The following ZNRF1 variants were observed in gnomAD, a reference collection of about 807,000 sequenced individuals.
The protein encoded by ZNRF1 is E3 ubiquitin-protein ligase ZNRF1.
In ZNRF1, 3 loss-of-function variants were observed where a neutral mutation model predicts 18.4. That is an observed-to-expected ratio of 0.16 (90% CI 0.07 to 0.42). ZNRF1 has a LOEUF of 0.42. ZNRF1 is among the 10% of genes least tolerant of loss of function. ZNRF1 has a pLI of 0.99. For missense variants in ZNRF1, 310 were observed against 329.8 expected, an observed-to-expected ratio of 0.94 and a Z score of 0.47; for synonymous variants, 157 against 144.2, an observed-to-expected ratio of 1.09 and a Z score of -0.64.
intron 1 of ZNRF1, among the ~76,000 whole-genome samples, chr16:75,023,298 C>T (rs945712051): frequency 5.3e-5 from 8 of 152,086 alleles, no homozygotes; most frequent in Admixed American, 4.6e-4. Flanking sequence ...AGATACCTTC[C>T]CCTACCTTAC....
intron 1 of ZNRF1, among the ~76,000 whole-genome samples, chr16:75,071,098 C>CTTTTTTTTTTTTTTTTTTTT (rs56690008): frequency 7.0e-6 from 1 of 143,468 alleles, no homozygotes. Context: ...GCACAGGTGT[C>CTTTTTTTTTTTTTTTTTTTT]TTTTTTTTTT....
At chr16:75,025,578 A>G (rs1353141466) in intron 1 of ZNRF1, among the ~76,000 whole-genome samples, 1 of 152,146 alleles carries the variant, frequency 6.6e-6, no homozygotes, top group Non-Finnish European at 1.5e-5. Flanking sequence ...AAGATCGTAT[A>G]GCCCCTCCTA....
intron 1 of ZNRF1, among the ~76,000 whole-genome samples, chr16:75,062,147 A>T (rs2035751729): frequency 6.6e-6 from 1 of 152,240 alleles, no homozygotes; most frequent in Admixed American, 6.5e-5. Context: ...AATCGAGACA[A>T]CTTACAGAAC....
intron 2 of ZNRF1, among the ~76,000 whole-genome samples, chr16:75,100,111 C>G (rs1337151312): frequency 6.6e-6 from 1 of 152,212 alleles, no homozygotes; most frequent in African/African-American, 2.4e-5. Context: ...TGCCGGGAAC[C>G]TCCAGGTGGC....
intron 1 of ZNRF1, among the ~76,000 whole-genome samples, chr16:75,070,940 A>G (rs576830157): frequency 5.6e-4 from 86 of 152,312 alleles, no homozygotes; most frequent in Middle Eastern, 3.4e-3. Flanking sequence ...CTGGTGCTGC[A>G]TAACAAAATA....
intron 1 of ZNRF1, among the ~76,000 whole-genome samples, chr16:75,004,718 G>A (rs1292570583): frequency 6.6e-6 from 1 of 152,074 alleles, no homozygotes; most frequent in African/African-American, 2.4e-5. Flanking sequence ...GGCTCAAGCC[G>A]TCTTCCCATC....
At chr16:75,048,707 TC>T (rs1213720299) in intron 1 of ZNRF1, among the ~76,000 whole-genome samples, 1 of 152,164 alleles carries the variant, frequency 6.6e-6, no homozygotes, top group Non-Finnish European at 1.5e-5. Context: ...GATGTGTCCT[TC>T]CCACTGCATC....
At chr16:75,010,952 G>T (rs1402935659) in intron 1 of ZNRF1, among the ~76,000 whole-genome samples, 1 of 152,020 alleles carries the variant, frequency 6.6e-6, no homozygotes, top group Non-Finnish European at 1.5e-5. Context: ...CAAGTGATCC[G>T]CCCACCTTGG....
At chr16:75,103,900 A>C (rs11862008) in intron 2 of ZNRF1, among the ~76,000 whole-genome samples, 1 of 151,756 alleles carries the variant, frequency 6.6e-6, no homozygotes, top group African/African-American at 2.4e-5. Flanking sequence ...CAGGAAAATC[A>C]CTTGAACCCA....
chr16:75,060,473 C>CTTTTTTTTTTTTTTTTTTT (rs34182819), intron 1 of ZNRF1, among the ~76,000 whole-genome samples: 1 of 70,248 alleles, frequency 1.4e-5, no homozygotes, highest in African/African-American at 5.7e-5. Context: ...CTCAGAAAAT[C>CTTTTTTTTTTTTTTTTTTT]TTTTTTTTTT....
chr16:75,031,127 C>T lies in ZNRF1; in HGVS notation c.424+31032C>T, dbSNP rs371367767. 7.3e-5 allele frequency among the ~76,000 whole-genome samples: 11 copies of T among 149,836 alleles called. No homozygotes were observed. The East Asian group carries it at 1.6e-3, about 22-fold the overall frequency. ...CTAGGATTACAGGCGTGAGCCACTG[C>T]GCCCCACCTGTTTTTTTTTTTTTAG... On this transcript the variant is annotated intron_variant, in intron 1 of 4. Coordinates refer to ENST00000335325, the MANE Select transcript of ZNRF1 (RefSeq NM_032268.5).
rs1024675760 is a variant in ZNRF1 at position 74,999,035 on chromosome 16, G to C, written c.-637G>C. 11 of 150,966 alleles carry C rather than the reference G, an allele frequency of 7.3e-5. No homozygotes were observed. Among genetic ancestry groups the C allele is most frequent in the South Asian group, 2.0e-4 (1 of 4,940 alleles). 9.4% of individuals were successfully genotyped at this position (150,966 alleles called of 1,614,324 possible). A position where few individuals can be genotyped will look rare whatever the true frequency, so the allele number is the denominator to read the frequency against. The stretch of plus-strand genomic sequence containing the variant: ...CTCTGCCGCCCTCCATTGTCTCCAC[G>C]GCGGCGAGGAGCGCCGGCGAGCGCA... On this transcript the variant is annotated 5_prime_UTR_variant, in exon 1 of 5. Coordinates refer to ENST00000335325, the MANE Select transcript of ZNRF1 (RefSeq NM_032268.5).
At chr16:75,085,991 G>C (rs1470388729) in intron 1 of ZNRF1, among the ~76,000 whole-genome samples, 1 of 152,030 alleles carries the variant, frequency 6.6e-6, no homozygotes, top group Non-Finnish European at 1.5e-5. Context: ...GAGAGCTTAT[G>C]GTGTAAGTCC....
chr16:75,041,570 T>TA (rs1274274885), intron 1 of ZNRF1, among the ~76,000 whole-genome samples: 1 of 151,204 alleles, frequency 6.6e-6, no homozygotes, highest in East Asian at 2.0e-4. Context: ...ACCCAAGTGA[T>TA]ACGCCCGCCT....
At chr16:75,081,566 C>T (rs1051869836) in intron 1 of ZNRF1, among the ~76,000 whole-genome samples, 1 of 152,176 alleles carries the variant, frequency 6.6e-6, no homozygotes, top group African/African-American at 2.4e-5. Flanking sequence ...TGGCATTGCC[C>T]AAACGCTAGA....
chr16:75,047,902 C>T (rs1279864951), intron 1 of ZNRF1, among the ~76,000 whole-genome samples: 1 of 151,824 alleles, frequency 6.6e-6, no homozygotes, highest in Non-Finnish European at 1.5e-5. Flanking sequence ...GTCTTCTCCG[C>T]TTCTCCGTGT....
chr16:75,003,655 A>G (rs944108966), intron 1 of ZNRF1, among the ~76,000 whole-genome samples: 1 of 152,204 alleles, frequency 6.6e-6, no homozygotes, highest in Non-Finnish European at 1.5e-5. Context: ...ATCTGAAAAC[A>G]TCACAAAGCC....
intron 4 of ZNRF1, 186 bp downstream of exon 4, chr16:75,106,757 A>G (rs940588466): frequency 7.0e-6 from 4 of 570,324 alleles, no homozygotes; most frequent in Admixed American, 5.9e-5. Context: ...GACAAGAGAT[A>G]CAAACCAACA....
At position 75,093,038 on chromosome 16, in the gene ZNRF1, A is replaced by G. The variant is rs1285027726; in HGVS notation, c.425-534A>G. The stretch of plus-strand genomic sequence containing the variant: ...CCTTGGTTAAACCTTAACGAGGCAC[A>G]TAAGGCAGGGTGAGCCCTAGTGAAA... On this transcript the variant is annotated intron_variant, in intron 1 of 4. Transcript: ENST00000335325. Among the ~76,000 whole-genome samples the G allele has an allele frequency of 2.6e-5, 4 of 152,226 alleles. No homozygotes were observed. In the East Asian group the frequency reaches 5.8e-4, roughly 22 times the overall value.
Sources: allele counts gnomAD v4.1 joint callset (sites outside exome capture counted in the v4.1 genomes callset), GRCh38; gene constraint gnomAD v4.1.1; transcripts MANE v1.5; gene names NCBI Gene and HGNC (gene_info 2026-07-23, HGNC 2026-07-21).